PLXNA1: variants seen among roughly 807,000 people sequenced by gnomAD.
PLXNA1 encodes the protein plexin-A1.
PLXNA1 carries 77 observed loss-of-function variants against 191.7 expected under a neutral mutation model. That is an observed-to-expected ratio of 0.40 (90% CI 0.33 to 0.49). The LOEUF is 0.49. Among genes scored for constraint, PLXNA1 ranks in the 20% least tolerant of loss-of-function variants. The pLI is 0.63. For missense variants in PLXNA1, 2,110 were observed against 2,660.2 expected, an observed-to-expected ratio of 0.79 and a Z score of 4.55; for synonymous variants, 1,137 against 1,156.4, an observed-to-expected ratio of 0.98 and a Z score of 0.34.
rs780408762 is a variant in PLXNA1, at chr3:127,028,367, G to A, written c.4669+27G>A. 3.8e-5 allele frequency: 61 copies of A among 1,597,972 alleles called. No individual in the cohort carries two copies. The East Asian group carries it at 1.1e-3, about 28-fold the overall frequency. On this transcript the variant is annotated intron_variant, in intron 25 of 31. Transcript: ENST00000393409. Reference sequence around the variant, plus strand: ...TGAGCGGGCGGGGCCACGGCTGCCCGGGGTGTGTGCTGGAGCAGAGGGGCA... The same window carrying A: ...TGAGCGGGCGGGGCCACGGCTGCCCAGGGTGTGTGCTGGAGCAGAGGGGCA...
rs2079157397 is a variant in PLXNA1 at position 127,022,632 on chromosome 3, C to T, written c.4296-120C>T. On this transcript the variant is annotated intron_variant, in intron 22 of 31. Transcript: ENST00000393409. ...ATGTGGGTGCCTTTCGAGACCTGAC[C>T]TTCGGTGCTGTAGGAAGGGGGGCAG... The T allele has an allele frequency of 8.6e-6, 8 of 933,936 alleles. No homozygotes were observed. The South Asian group carries it at 1.1e-4, about 13-fold the overall frequency. The allele number at this position is 933,936 out of a possible 1,614,324, so 57.9% of individuals were successfully genotyped here. A position where few individuals can be genotyped will look rare whatever the true frequency, so the allele number is the denominator to read the frequency against.
At position 127,017,758 on chromosome 3, in the gene PLXNA1, C is replaced by A; in HGVS notation, c.3526C>A (p.Leu1176Ile). ...SSPLILKGRN[L>I]LPPAPGNSRL... ...CCCCCATCTCCTACAGGGCCGGAAC[C>A]TCTTGCCACCTGCACCCGGCAACTC... The change falls in exon 19 of 32, where the codon CTC becomes ATC. Residue 1176 changes from leucine (L) to isoleucine (I), a missense_variant. Leu to Ile is a conservative substitution (Grantham distance 5, BLOSUM62 2). Transcript: ENST00000393409. The A allele has an allele frequency of 6.2e-7, 1 of 1,613,298 alleles. No individual in the cohort carries two copies. The highest frequency in any genetic ancestry group is 8.5e-7 in the Non-Finnish European group (1 of 1,180,026).
chr3:127,014,430 A>G (rs2079111760), intron 12 of PLXNA1, 48 bp from the exon 13 acceptor site: 1 of 1,577,808 alleles, frequency 6.3e-7, no homozygotes, highest in African/African-American at 1.3e-5. Context: ...ACCACCGCAC[A>G]CCCTACGCCC....
intron 31 of PLXNA1, 31 bp from the exon 32 acceptor site, chr3:127,033,891 C>A: frequency 1.3e-6 from 2 of 1,553,920 alleles, no homozygotes; most frequent in East Asian, 2.3e-5. Context: ...GCTGGTGGCC[C>A]GGCATGCTGA....
At chr3:127,018,180 C>T (rs912443998) in intron 19 of PLXNA1, 114 bp from the exon 20 acceptor site, 225 of 1,022,266 alleles carry the variant, frequency 2.2e-4, no homozygotes, top group Non-Finnish European at 2.8e-4. Context: ...GTGCCCCTGT[C>T]GGTGGGACCT....
chr3:127,015,280 G>A lies in PLXNA1; in HGVS notation c.2974G>A (p.Val992Met), dbSNP rs141247038. 6.2e-7 allele frequency: 1 copy of A among 1,612,286 alleles called. No individual in the cohort carries two copies. The highest frequency in any genetic ancestry group is 8.5e-7 in the Non-Finnish European group (1 of 1,179,746). Residue 992 changes from valine to methionine, a missense_variant, in exon 15 of 32, where the codon GTG (valine) becomes ATG (methionine). Physicochemically the swap from Val to Met is conservative, Grantham distance 21. Coordinates refer to ENST00000393409, the MANE Select transcript of PLXNA1 (RefSeq NM_032242.4). ...EGSHLNAGSD[V>M]AVSVGGRPCS... is the part of the protein sequence containing the mutation. Reference sequence around the variant, plus strand: ...AAGCCACCTGAACGCAGGCAGTGATGTGGCTGTGTCGGTCGGTGGCCGGCC... The same window carrying A: ...AAGCCACCTGAACGCAGGCAGTGATATGGCTGTGTCGGTCGGTGGCCGGCC...
At chr3:126,992,036 A>G (rs898871633) in intron 3 of PLXNA1, among the ~76,000 whole-genome samples, 1 of 152,190 alleles carries the variant, frequency 6.6e-6, no homozygotes, top group African/African-American at 2.4e-5. Context: ...GGCCAAGGGC[A>G]GGGCAAGGGT....
rs2107641362 is a variant in PLXNA1 at position 127,036,480 on chromosome 3, A to G, written c.*2463A>G. The G allele has an allele frequency of 6.6e-6, 1 of 152,580 alleles. No individual in the cohort carries two copies. The highest frequency in any genetic ancestry group is 2.1e-4 in the South Asian group (1 of 4,828). 9.5% of individuals were successfully genotyped at this position (152,580 alleles called of 1,614,324 possible). ...GTCTAGGCGCAAGCACTTTAGCAGTATCTGTTTACATGCGCAAGGATCAAG... is the reference window on the plus strand; with the variant it reads ...GTCTAGGCGCAAGCACTTTAGCAGTGTCTGTTTACATGCGCAAGGATCAAG... On this transcript the variant is annotated 3_prime_UTR_variant, in exon 32 of 32. Transcript: ENST00000393409.
intron 7 of PLXNA1, 50 bp from the exon 8 acceptor site, chr3:127,006,029 G>A: frequency 7.1e-7 from 1 of 1,413,034 alleles, no homozygotes; most frequent in African/African-American, 1.4e-5. Context: ...TGCCCTGTGT[G>A]GGAGTCCTGG....
chr3:127,027,758 T>G (rs1381231826), intron 23 of PLXNA1, 182 bp from the exon 24 acceptor site: 4 of 799,214 alleles, frequency 5.0e-6, no homozygotes, highest in Non-Finnish European at 8.4e-6. Flanking sequence ...TTTTGTTTCC[T>G]GATTTTCTTG....
chr3:127,004,766 G>A lies in PLXNA1; in HGVS notation c.1619+55G>A, dbSNP rs2079057539. 4 of 1,589,158 alleles carry A rather than the reference G, an allele frequency of 2.5e-6. No individual in the cohort carries two copies. In the Admixed American group the frequency reaches 6.8e-5, roughly 27 times the overall value. On this transcript the variant is annotated intron_variant, in intron 5 of 31. Transcript: ENST00000393409. ...CGGGGAGGGCCATGGTGGTCTCACA[G>A]TGGGGGAGGGGGAGCCTGGTGCAGG...
At position 126,988,894 on chromosome 3, in the gene PLXNA1, G is replaced by T. The variant is rs1347349953; in HGVS notation, c.301G>T (p.Val101Leu). 6.2e-7 allele frequency: 1 copy of T among 1,613,304 alleles called. No individual in the cohort carries two copies. The highest frequency in any genetic ancestry group is 8.5e-7 in the Non-Finnish European group (1 of 1,180,004). The change falls in exon 2 of 32, where the codon GTG (valine) becomes TTG (leucine). Residue 101 changes from valine to leucine, a missense_variant. Around this residue, in one of 4 missense-constraint regions of PLXNA1, gnomAD observed 903 missense variants for 1,015.7 expected, o/e 0.89. Transcript: ENST00000393409. The stretch of plus-strand genomic sequence containing the variant: ...CGAGAAGTGCTACCCGCCGCCCAGC[G>T]TGCAGTCCTGCCCCCACGGCCTGGG... Reference protein sequence around the residue: ...DNEKCYPPPSVQSCPHGLGST... With the variant: ...DNEKCYPPPSLQSCPHGLGST...
intron 3 of PLXNA1, among the ~76,000 whole-genome samples, chr3:126,997,680 A>C (rs2079020556): frequency 6.6e-6 from 1 of 152,202 alleles, no homozygotes; most frequent in African/African-American, 2.4e-5. Context: ...AGCCATGAGG[A>C]TGCAGGGAGC....
At chr3:126,997,435 G>A (rs1026026442) in intron 3 of PLXNA1, among the ~76,000 whole-genome samples, 1 of 152,194 alleles carries the variant, frequency 6.6e-6, no homozygotes, top group South Asian at 2.1e-4. Context: ...AGGCCACCGG[G>A]TCCGTCTTTG....
At chr3:126,988,483 T>C (rs2078971906) in intron 1 of PLXNA1, 38 bp from the exon 2 acceptor site, 1 of 936,900 alleles carries the variant, frequency 1.1e-6, no homozygotes, top group Non-Finnish European at 1.5e-6. Context: ...GGATGGGCCA[T>C]GCCTGCATTC....
At chr3:126,984,847 C>A (rs1052647434) in intron 1 of PLXNA1, among the ~76,000 whole-genome samples, 20 of 152,172 alleles carry the variant, frequency 1.3e-4, no homozygotes, top group Admixed American at 1.3e-3. Flanking sequence ...AGCAGCTGGC[C>A]GGGAGGAGCG....
rs1013431227 is a variant in PLXNA1, at chr3:127,005,080, G to A, written c.1744-10G>A. 1 of 1,612,316 alleles carries A rather than the reference G, an allele frequency of 6.2e-7. No homozygotes were observed. Among genetic ancestry groups the A allele is most frequent in the East Asian group, 2.2e-5 (1 of 44,872 alleles). On this transcript the variant is annotated splice_polypyrimidine_tract_variant and intron_variant, in intron 6 of 31. Transcript: ENST00000393409. ...GACCCTGCTCACCATGCCTCCTGCT[G>A]CCTGCCCAGCTTGTGCTGCAGGCCT...
chr3:126,988,887 GC>G lies in PLXNA1; in HGVS notation c.297del (p.Ser100AlafsTer164). 6.2e-7 allele frequency: 1 copy of G among 1,613,272 alleles called. No individual in the cohort carries two copies. Among genetic ancestry groups the G allele is most frequent in the Non-Finnish European group, 8.5e-7 (1 of 1,180,016 alleles). Reference protein sequence around the residue: ...VEDNEKCYPPPSVQSCPHGLG... With the variant: ...VEDNEKCYPPXSVQSCPHGLG... ...AGGACAACGAGAAGTGCTACCCGCCGCCCAGCGTGCAGTCCTGCCCCCACGG... is the reference window on the plus strand; with the variant it reads ...AGGACAACGAGAAGTGCTACCCGCCGCCAGCGTGCAGTCCTGCCCCCACGG... On this transcript the variant is annotated frameshift_variant, in exon 2 of 32. Transcript: ENST00000393409. LOFTEE classifies it high-confidence loss of function.
At chr3:127,032,349 G>A in intron 29 of PLXNA1, 38 bp from the exon 30 acceptor site, 1 of 1,596,262 alleles carries the variant, frequency 6.3e-7, no homozygotes, top group Non-Finnish European at 8.6e-7. Context: ...GGAGGGAGCA[G>A]AGGCCTATCT....
Sources: gnomAD v4.1 joint callset for allele counts (sites outside exome capture counted in the v4.1 genomes callset) on GRCh38, gnomAD v4.1.1 for gene constraint, gnomAD v4.1.1 regional missense constraint, MANE v1.5 for transcripts, NCBI Gene and HGNC (gene_info 2026-07-23, HGNC 2026-07-21) for gene names.